Variants in NISCH observed in about 807,000 individuals in gnomAD.
NISCH encodes nischarin.
NISCH carries 55 observed loss-of-function variants against 138.4 expected under a neutral mutation model. The observed-to-expected ratio is 0.40, with a 90% confidence interval of 0.32 to 0.50. The LOEUF (loss-of-function observed/expected upper bound fraction) is 0.50. NISCH is among the 20% of genes least tolerant of loss of function. The probability of loss-of-function intolerance (pLI) is 0.71; values close to 1 mark genes in which losing one functional copy is unlikely to be tolerated. For synonymous variants in NISCH, 860 were observed against 861.5 expected, an observed-to-expected ratio of 1.00 and a Z score of 0.03; for missense variants, 1,643 against 2,005.5, an observed-to-expected ratio of 0.82 and a Z score of 3.45.
chr3:52,455,646 C>T lies in NISCH; in HGVS notation c.5C>T (p.Ala2Val), dbSNP rs776926378. 3.0e-6 allele frequency: 4 copies of T among 1,338,726 alleles called. No homozygotes were observed. Among genetic ancestry groups the T allele is most frequent in the South Asian group, 2.4e-5 (1 of 41,314 alleles). The allele number at this position is 1,338,726 out of a possible 1,614,324, so 82.9% of individuals were successfully genotyped here. A position where few individuals can be genotyped will look rare whatever the true frequency, so the allele number is the denominator to read the frequency against. M[A>V]TARTFGPERE... is the part of the protein sequence containing the mutation. Reference sequence around the variant, plus strand: ...GGTGGCGGCGGAGACCCGAACATGGCGACCGCGCGCACCTTCGGGCCCGAG... The same window carrying T: ...GGTGGCGGCGGAGACCCGAACATGGTGACCGCGCGCACCTTCGGGCCCGAG... Residue 2 changes from alanine to valine, a missense_variant, in exon 1 of 21, where the codon GCG (alanine) becomes GTG (valine). Ala to Val is a moderately conservative substitution (Grantham distance 64). Coordinates refer to ENST00000345716, the MANE Select transcript of NISCH (RefSeq NM_007184.4).
At position 52,476,505 on chromosome 3, in the gene NISCH, T is replaced by C. The variant is rs750411572; in HGVS notation, c.824T>C (p.Leu275Pro). ...GAGTGGGAGCCTGAAGGCACAACCC[T>C]AGAAGGCCCTGTGACTGCCGTCATC... ...FDEWEPEGTT[L>P]EGPVTAVIPT... is the part of the protein sequence containing the mutation. Residue 275 changes from leucine (L) to proline (P), a missense_variant, in exon 8 of 21, where the codon CTA becomes CCA. Transcript: ENST00000345716. 10 of 1,614,002 alleles carry C rather than the reference T, an allele frequency of 6.2e-6. No individual in the cohort carries two copies. In the Admixed American group the frequency reaches 1.3e-4, roughly 22 times the overall value.
chr3:52,466,684 A>G (rs188831159), intron 3 of NISCH, among the ~76,000 whole-genome samples: 1 of 152,210 alleles, frequency 6.6e-6, no homozygotes, highest in African/African-American at 2.4e-5. Flanking sequence ...CCCACAGATA[A>G]GCACGCTGCC....
At chr3:52,467,004 T>TC (rs1376591563) in intron 3 of NISCH, among the ~76,000 whole-genome samples, 8 of 145,246 alleles carry the variant, frequency 5.5e-5, no homozygotes, top group South Asian at 2.5e-4. Context: ...TTTTTCTTTT[T>TC]TTTTTTTTTT....
In NISCH at chr3:52,489,995, C is replaced by T. The variant is rs555065377; in HGVS notation, c.3457-80C>T. The T allele has an allele frequency of 5.8e-6, 9 of 1,563,840 alleles. No homozygotes were observed. The East Asian group carries it at 2.0e-4, about 35-fold the overall frequency. On this transcript the variant is annotated intron_variant, in intron 17 of 20. Transcript: ENST00000345716. Reference sequence around the variant, plus strand: ...AGCCAAGAGGGGCTTCCCATGTCTCCTTGTGGAAGCTGTGGGCATGTCCCT... The same window carrying T: ...AGCCAAGAGGGGCTTCCCATGTCTCTTTGTGGAAGCTGTGGGCATGTCCCT...
Position 52,487,824 on chromosome 3 carries a change from CTG to C in NISCH, c.2336_2337del (p.Cys779SerfsTer9). The C allele has an allele frequency of 6.2e-7, 1 of 1,613,400 alleles. No homozygotes were observed. The highest frequency in any genetic ancestry group is 8.5e-7 in the Non-Finnish European group (1 of 1,179,924). Reference protein sequence around the residue: ...LTEFGFLMPELCLVLKVRHSE... With the variant: ...LTEFGFLMPEXCLVLKVRHSE... ...CGAGTTTGGCTTCCTCATGCCGGAG[CTG>C]TGTCTGGTGCTCAAGGTACGGCACA... On this transcript the variant is annotated frameshift_variant, in exon 16 of 21. Coordinates refer to ENST00000345716, the MANE Select transcript of NISCH (RefSeq NM_007184.4). LOFTEE classifies it high-confidence loss of function. This position sits in a 1 kb window ranked among gnomAD's most constrained non-coding sequence, Gnocchi z 9.1.
chr3:52,473,698 A>T (rs777636438), intron 6 of NISCH, 36 bp from the exon 7 acceptor site: 1 of 1,455,038 alleles, frequency 6.9e-7, no homozygotes. Context: ...CGGAGCAAGG[A>T]TTCTGTTTCT....
In NISCH at chr3:52,487,508, G is replaced by C. The variant is rs756607505; in HGVS notation, c.2016G>C (p.Glu672Asp). 2.4e-5 allele frequency: 39 copies of C among 1,597,780 alleles called. No individual in the cohort carries two copies. The highest frequency in any genetic ancestry group is 3.3e-5 in the Non-Finnish European group (39 of 1,168,248). Residue 672 changes from glutamate (E) to aspartate (D), a missense_variant, in exon 16 of 21, where the codon GAG becomes GAC. By Grantham distance (45) the Glu-to-Asp change is conservative. Transcript: ENST00000345716. The surrounding 1 kb of genome is among the most constrained non-coding windows in gnomAD (Gnocchi z 9.1). ...VEEEEGGGQG[E>D]EEEEEEEDEE... Reference sequence around the variant, plus strand: ...AGGAGGAGGGAGGAGGCCAGGGGGAGGAAGAGGAGGAGGAAGAGGAGGATG... The same window carrying C: ...AGGAGGAGGGAGGAGGCCAGGGGGACGAAGAGGAGGAGGAAGAGGAGGATG...
chr3:52,458,251 T>G (rs1458467279), intron 2 of NISCH, among the ~76,000 whole-genome samples: 5 of 152,252 alleles, frequency 3.3e-5, no homozygotes, highest in Non-Finnish European at 7.3e-5. Flanking sequence ...TTCCAAAGCC[T>G]TACTTTAATA....
At chr3:52,482,076 A>G (rs1359750699) in intron 13 of NISCH, among the ~76,000 whole-genome samples, 1 of 152,176 alleles carries the variant, frequency 6.6e-6, no homozygotes, top group Non-Finnish European at 1.5e-5. Context: ...CCCTGTCCAC[A>G]TTTCCTTGGT....
rs776622281 is a variant in NISCH at position 52,480,550 on chromosome 3, A to G, written c.1528+255A>G. The G allele has an allele frequency of 1.5e-5, 22 of 1,468,318 alleles. No homozygotes were observed. In the South Asian group the frequency reaches 3.0e-4, roughly 20 times the overall value. The allele number at this position is 1,468,318 out of a possible 1,614,324, so 91.0% of individuals were successfully genotyped here. ...ACATCCAGCTCCTCTAGGAGACCGCAGGGTGTCTGACAGGCCCTGAGGCTG... is the reference window on the plus strand; with the variant it reads ...ACATCCAGCTCCTCTAGGAGACCGCGGGGTGTCTGACAGGCCCTGAGGCTG... On this transcript the variant is annotated intron_variant, in intron 13 of 20. Transcript: ENST00000345716.
In NISCH at chr3:52,479,738, G is replaced by T; in HGVS notation, c.1303-11G>T. 1 of 1,601,752 alleles carries T rather than the reference G, an allele frequency of 6.2e-7. No individual in the cohort carries two copies. The highest frequency in any genetic ancestry group is 1.3e-5 in the African/African-American group (1 of 74,400). The stretch of plus-strand genomic sequence containing the variant: ...GTCCCCATGCTGATAGCCACTTTCT[G>T]GATGCTCTAGGTCTGTCTGGATGAC... On this transcript the variant is annotated splice_polypyrimidine_tract_variant and intron_variant, in intron 11 of 20. Coordinates refer to ENST00000345716, the MANE Select transcript of NISCH (RefSeq NM_007184.4).
At position 52,487,571 on chromosome 3, in the gene NISCH, C is replaced by G. The variant is rs780604658; in HGVS notation, c.2079C>G (p.Ala693=). ...AEEERLALEW[A]LGADEDFLLE... ...AGGAGCGCCTGGCTCTGGAATGGGC[C>G]CTGGGCGCGGACGAGGACTTCCTGC... Residue 693 remains alanine (A), a synonymous_variant, in exon 16 of 21, where the codon GCC becomes GCG. Transcript: ENST00000345716. The surrounding 1 kb of genome is among the most constrained non-coding windows in gnomAD (Gnocchi z 9.1). 3 of 1,612,738 alleles carry G rather than the reference C, an allele frequency of 1.9e-6. No individual in the cohort carries two copies. In the South Asian group the frequency reaches 3.3e-5, roughly 18 times the overall value.
At chr3:52,483,181 C>T (rs1707320953) in intron 13 of NISCH, among the ~76,000 whole-genome samples, 1 of 152,196 alleles carries the variant, frequency 6.6e-6, no homozygotes, top group Non-Finnish European at 1.5e-5. Flanking sequence ...CCCCCTGCTG[C>T]TTCGCTTCGT....
At chr3:52,489,982 C>T (rs1707516991) in intron 17 of NISCH, 93 bp from the exon 18 acceptor site, 1 of 1,526,564 alleles carries the variant, frequency 6.6e-7, no homozygotes, top group South Asian at 1.2e-5. Context: ...CCAAGAGGGG[C>T]TTCCCATGTC....
intron 3 of NISCH, among the ~76,000 whole-genome samples, chr3:52,465,677 C>T (rs1578280632): frequency 6.6e-6 from 1 of 152,206 alleles, no homozygotes; most frequent in Non-Finnish European, 1.5e-5. Context: ...AATTCTAGCA[C>T]ACCATGTGGG....
At chr3:52,478,008 T>C in intron 9 of NISCH, 89 bp from the exon 10 acceptor site, 1 of 1,391,094 alleles carries the variant, frequency 7.2e-7, no homozygotes, top group South Asian at 1.3e-5. Flanking sequence ...GTAGTTTGGG[T>C]TGGAAGGCCC....
In NISCH at chr3:52,490,786, T is replaced by C; in HGVS notation, c.3695T>C (p.Leu1232Pro). Reference sequence around the variant, plus strand: ...TGCTTCGTGCTAAAGCTTAGTGACCTGCAGTCAGTCAATGTGGGGCTTTTC... The same window carrying C: ...TGCTTCGTGCTAAAGCTTAGTGACCCGCAGTCAGTCAATGTGGGGCTTTTC... ...SQCFVLKLSD[L>P]QSVNVGLFDQ... Residue 1232 changes from leucine to proline, a missense_variant, in exon 19 of 21, where the codon CTG becomes CCG. Coordinates refer to ENST00000345716, the MANE Select transcript of NISCH (RefSeq NM_007184.4). 1 of 1,614,222 alleles carries C rather than the reference T, an allele frequency of 6.2e-7. No individual in the cohort carries two copies. The highest frequency in any genetic ancestry group is 8.5e-7 in the Non-Finnish European group (1 of 1,180,032).
Position 52,487,865 on chromosome 3 carries a change from C to T in NISCH, c.2373C>T (p.Leu791=). ...AGGTACGGCACAGTGAGAACACGCT[C>T]TTCATTATCTCGGACGCCGCCAACC... ...VLKVRHSENT[L]FIISDAANLH... Residue 791 remains leucine (L), a synonymous_variant, in exon 16 of 21, where the codon CTC becomes CTT. Coordinates refer to ENST00000345716, the MANE Select transcript of NISCH (RefSeq NM_007184.4). The surrounding 1 kb of genome is among the most constrained non-coding windows in gnomAD (Gnocchi z 9.1). 6.2e-7 allele frequency: 1 copy of T among 1,612,930 alleles called. No individual in the cohort carries two copies.
At chr3:52,481,017 C>T in intron 13 of NISCH, 1 of 1,388,808 alleles carries the variant, frequency 7.2e-7, no homozygotes, top group Non-Finnish European at 9.3e-7. Flanking sequence ...CCTGCCCGGG[C>T]TCCTGGAGAC....
Sources: allele counts gnomAD v4.1 joint callset (sites outside exome capture counted in the v4.1 genomes callset), GRCh38; gene constraint gnomAD v4.1.1; non-coding constraint Gnocchi (gnomAD v3.1); transcripts MANE v1.5; gene names NCBI Gene and HGNC (gene_info 2026-07-23, HGNC 2026-07-21).